HGF: variants seen among roughly 807,000 people sequenced by gnomAD.
The protein encoded by HGF is hepatocyte growth factor.
Under a neutral mutation model 111.6 loss-of-function variants are expected in HGF, and 39 were observed. The ratio of observed to expected loss-of-function variants is 0.35; its 90% CI spans 0.27 to 0.46. HGF has a LOEUF of 0.46. Among genes scored for constraint, HGF ranks in the 20% least tolerant of loss-of-function variants. HGF has a pLI of 1.00. For missense variants in HGF, 735 were observed against 910.5 expected (o/e 0.81, Z 2.48); for synonymous variants, 285 against 294.8 (o/e 0.97, Z 0.34).
chr7:81,746,018 A>G (rs922596806), intron 5 of HGF, among the ~76,000 whole-genome samples: 6 of 152,206 alleles, frequency 3.9e-5, no homozygotes, highest in African/African-American at 1.4e-4. Flanking sequence ...CCTTAAACAC[A>G]TCATTTGTAT....
intron 7 of HGF, among the ~76,000 whole-genome samples, chr7:81,739,362 T>C (rs1197652899): frequency 6.6e-6 from 1 of 152,166 alleles, no homozygotes; most frequent in African/African-American, 2.4e-5. Flanking sequence ...GAAAGCTTTT[T>C]ATTCATTGAA....
chr7:81,718,881 C>A (rs1001563988), intron 10 of HGF, among the ~76,000 whole-genome samples: 4 of 152,166 alleles, frequency 2.6e-5, no homozygotes, highest in Non-Finnish European at 5.9e-5. Context: ...ACCCCACCCA[C>A]CACTGCATGT....
chr7:81,750,280 A>G (rs969022366), intron 5 of HGF, among the ~76,000 whole-genome samples: 1 of 152,170 alleles, frequency 6.6e-6, no homozygotes, highest in African/African-American at 2.4e-5. Context: ...AGTTTAACTC[A>G]TAGTCTCCAA....
At chr7:81,769,506 G>T (rs932349274) in intron 1 of HGF, among the ~76,000 whole-genome samples, 3 of 152,024 alleles carry the variant, frequency 2.0e-5, no homozygotes, top group Admixed American at 2.0e-4. Flanking sequence ...CTTCCTGCCG[G>T]ACTGACCATC....
chr7:81,718,387 G>C (rs1265974842), intron 10 of HGF, among the ~76,000 whole-genome samples: 2 of 151,952 alleles, frequency 1.3e-5, no homozygotes, highest in Non-Finnish European at 2.9e-5. Context: ...TTGAAATCCA[G>C]AGAGGAAAAC....
chr7:81,719,625 A>G (rs1262008506), intron 10 of HGF, among the ~76,000 whole-genome samples: 1 of 152,240 alleles, frequency 6.6e-6, no homozygotes, highest in Non-Finnish European at 1.5e-5. Flanking sequence ...AATATATTAA[A>G]ATTAATTTTG....
chr7:81,727,121 A>C (rs1172459435), intron 8 of HGF, among the ~76,000 whole-genome samples: 1 of 151,622 alleles, frequency 6.6e-6, no homozygotes, highest in East Asian at 1.9e-4. Flanking sequence ...GCTCACTGCA[A>C]GCTCCGCCTC....
rs1363835753 is a variant in HGF at position 81,729,039 on chromosome 7, C to A, written c.1040+566G>T. Among the ~76,000 whole-genome samples, 5 of 10,068 alleles carry A rather than the reference C, an allele frequency of 5.0e-4. 2 individuals carry two copies. The highest frequency in any genetic ancestry group is 1.2e-3 in the African/African-American group (5 of 4,298). 6.6% of individuals were successfully genotyped at this position (10,068 alleles called of 152,430 possible). ...TGTAATTGATACTCAAGGGCAGTTT[C>A]TTTGGCTTGAGTCATCTACACAATT... On this transcript the variant is annotated intron_variant, in intron 8 of 17. Coordinates refer to ENST00000222390, the MANE Select transcript of HGF (RefSeq NM_000601.6).
At chr7:81,758,096 T>G (rs1193978998) in intron 3 of HGF, among the ~76,000 whole-genome samples, 1 of 152,106 alleles carries the variant, frequency 6.6e-6, no homozygotes, top group East Asian at 1.9e-4. Flanking sequence ...AATTATTTCA[T>G]TTACTTGATT....
Position 81,722,845 on chromosome 7 carries a change from G to GTATATATATATATATATATA in HGF, c.1169-1999_1169-1998insTATATATATATATATATATA, listed in dbSNP as rs144391393. ...AAAAAAAAAAAAGAAATTTAAAAAG[G>GTATATATATATATATATATA]TATATATATATATATATGTTGCATT... On this transcript the variant is annotated intron_variant, in intron 9 of 17. Coordinates refer to ENST00000222390, the MANE Select transcript of HGF (RefSeq NM_000601.6). Among the ~76,000 whole-genome samples, 288 of 132,536 alleles carry GTATATATATATATATATATA rather than the reference G, an allele frequency of 2.2e-3. 1 individual carries two copies. The highest frequency in any genetic ancestry group is 8.8e-3 in the African/African-American group (270 of 30,550). The allele number at this position is 132,536 out of a possible 152,430, so 86.9% of individuals were successfully genotyped here. A position where few individuals can be genotyped will look rare whatever the true frequency, so the allele number is the denominator to read the frequency against.
chr7:81,755,848 A>T, intron 4 of HGF: 1 of 528,252 alleles, frequency 1.9e-6, no homozygotes, highest in Admixed American at 3.6e-5. Flanking sequence ...TCTGTTATTG[A>T]AATGTTGTAG....
At chr7:81,706,471 C>A in intron 14 of HGF, 44 bp from the exon 15 acceptor site, 1 of 1,476,850 alleles carries the variant, frequency 6.8e-7, no homozygotes, top group Non-Finnish European at 9.5e-7. Context: ...ATAATAATTC[C>A]AAATTCTGTA....
In HGF at chr7:81,720,784, G is replaced by A. The variant is rs1049590173; in HGVS notation, c.1232C>T (p.Thr411Ile). 1 of 1,613,152 alleles carries A rather than the reference G, an allele frequency of 6.2e-7. No individual in the cohort carries two copies. Among genetic ancestry groups the A allele is most frequent in the East Asian group, 2.2e-5 (1 of 44,836 alleles). Reference protein sequence around the residue: ...GNLSQTRSGLTCSMWDKNMED... With the variant: ...GNLSQTRSGLICSMWDKNMED... ...CATGTTCTTGTCCCACATTGAACAT[G>A]TTAGTCCAGATCTTGTTTGGGATAA... Residue 411 changes from threonine to isoleucine, a missense_variant, in exon 10 of 18, where the codon ACA (threonine) becomes ATA (isoleucine). Transcript: ENST00000222390.
At chr7:81,722,813 C>CAA (rs552915726) in intron 9 of HGF, among the ~76,000 whole-genome samples, 1,844 of 90,400 alleles carry the variant, frequency 0.02, 62 homozygotes, top group African/African-American at 0.035. Flanking sequence ...GATTCTGTCT[C>CAA]AAAAAAAAAA....
In HGF at chr7:81,757,379, A is replaced by G. The variant is rs542724021; in HGVS notation, c.368-76T>C. The G allele has an allele frequency of 9.2e-5, 70 of 763,652 alleles. 1 individual carries two copies. The highest frequency in any genetic ancestry group is 1.5e-4 in the Non-Finnish European group (64 of 421,528). 47.3% of individuals were successfully genotyped at this position (763,652 alleles called of 1,614,324 possible). A position where few individuals can be genotyped will look rare whatever the true frequency, so the allele number is the denominator to read the frequency against. On this transcript the variant is annotated intron_variant, in intron 3 of 17. Coordinates refer to ENST00000222390, the MANE Select transcript of HGF (RefSeq NM_000601.6). ...TATTTAAGAAAAAAATTCCGTTCAA[A>G]CCTGTAAGTAATTAACTCTTGTAAA...
intron 7 of HGF, chr7:81,736,750 A>G (rs1207295077): frequency 6.3e-6 from 3 of 472,776 alleles, no homozygotes; most frequent in South Asian, 4.6e-5. Flanking sequence ...AACAGACAGC[A>G]TGAGAGCCTG....
At chr7:81,714,640 C>T (rs1464992330) in intron 11 of HGF, among the ~76,000 whole-genome samples, 1 of 151,862 alleles carries the variant, frequency 6.6e-6, no homozygotes, top group African/African-American at 2.4e-5. Context: ...GGCACCTCTA[C>T]ATTTTTATGT....
At chr7:81,746,370 A>G (rs1440217317) in intron 5 of HGF, among the ~76,000 whole-genome samples, 2 of 152,212 alleles carry the variant, frequency 1.3e-5, no homozygotes, top group Non-Finnish European at 2.9e-5. Flanking sequence ...GAGCATATCA[A>G]TAAAGGTGCT....
At chr7:81,745,223 A>G in intron 5 of HGF, 103 bp from the exon 6 acceptor site, 2 of 1,229,706 alleles carry the variant, frequency 1.6e-6, no homozygotes, top group East Asian at 4.7e-5. Context: ...ACAGATTTTT[A>G]AAAAATCCTA....
Sources: allele counts gnomAD v4.1 joint callset (sites outside exome capture counted in the v4.1 genomes callset), GRCh38; gene constraint gnomAD v4.1.1; transcripts MANE v1.5; gene names NCBI Gene and HGNC (gene_info 2026-07-23, HGNC 2026-07-21).